GRIN2B: variants seen among roughly 807,000 people sequenced by gnomAD.
The protein encoded by GRIN2B is glutamate receptor ionotropic, NMDA 2B.
A neutral mutation model predicts 114.5 loss-of-function variants in GRIN2B; 5 were observed. The ratio of observed to expected loss-of-function variants is 0.04; its 90% CI spans 0.02 to 0.09. The LOEUF is 0.09. Ranked by LOEUF, GRIN2B falls within the 10% of genes least tolerant of loss-of-function variation. The pLI, the probability that GRIN2B is intolerant of heterozygous loss-of-function variation, is 1.00. For missense variants in GRIN2B, 1,108 were observed against 1,943.5 expected, an observed-to-expected ratio of 0.57 and a Z score of 8.08; for synonymous variants, 787 against 745.1, an observed-to-expected ratio of 1.06 and a Z score of -0.92.
Position 13,615,372 on chromosome 12 carries a change from T to C in GRIN2B, c.1501-105A>G. On this transcript the variant is annotated intron_variant, in intron 7 of 13. Coordinates refer to ENST00000609686, the MANE Select transcript of GRIN2B (RefSeq NM_000834.5). The surrounding 1 kb of genome is among the most constrained non-coding windows in gnomAD (Gnocchi z 5.8). ...GGTTTTCTTTGTATAGTGGGAACAA[T>C]ACATCTTATTTGCCATTTTATATTT... 7.1e-7 allele frequency: 1 copy of C among 1,414,446 alleles called. No individual in the cohort carries two copies. The highest frequency in any genetic ancestry group is 1.4e-5 in the African/African-American group (1 of 71,090). The allele number at this position is 1,414,446 out of a possible 1,614,324, so 87.6% of individuals were successfully genotyped here. A position where few individuals can be genotyped will look rare whatever the true frequency, so the allele number is the denominator to read the frequency against.
At chr12:13,892,143 A>G (rs1305739149) in intron 2 of GRIN2B, among the ~76,000 whole-genome samples, 3 of 152,210 alleles carry the variant, frequency 2.0e-5, no homozygotes, top group Non-Finnish European at 4.4e-5. Flanking sequence ...ATGAATAAAT[A>G]ACTGTTGAAG....
At chr12:13,676,183 C>T (rs2136541397) in intron 4 of GRIN2B, among the ~76,000 whole-genome samples, 1 of 152,106 alleles carries the variant, frequency 6.6e-6, no homozygotes, top group South Asian at 2.1e-4. Context: ...ACACTGGGGC[C>T]TGTAGGCAGG....
intron 3 of GRIN2B, among the ~76,000 whole-genome samples, chr12:13,851,633 A>T (rs1350012534): frequency 6.6e-6 from 1 of 152,226 alleles, no homozygotes; most frequent in Non-Finnish European, 1.5e-5. Context: ...TGTTGATTTC[A>T]AAGTCAACCA....
intron 13 of GRIN2B, among the ~76,000 whole-genome samples, chr12:13,565,007 C>T (rs963182234): frequency 6.6e-6 from 1 of 152,162 alleles, no homozygotes; most frequent in Admixed American, 6.5e-5. Flanking sequence ...ATGATATCAA[C>T]CCATAGCAAA....
At chr12:13,734,062 A>T (rs918656562) in intron 4 of GRIN2B, among the ~76,000 whole-genome samples, 1 of 152,206 alleles carries the variant, frequency 6.6e-6, no homozygotes, top group African/African-American at 2.4e-5. Flanking sequence ...TTCCTTTCGG[A>T]AAGTAATTTG....
At chr12:13,980,580 G>A (rs1043321626) in intron 1 of GRIN2B, among the ~76,000 whole-genome samples, 1 of 152,106 alleles carries the variant, frequency 6.6e-6, no homozygotes, top group African/African-American at 2.4e-5. Context: ...ACGGATGAGA[G>A]GTGGGAAAGC....
chr12:13,797,014 A>G (rs890955715), intron 3 of GRIN2B, among the ~76,000 whole-genome samples: 1 of 152,138 alleles, frequency 6.6e-6, no homozygotes, highest in African/African-American at 2.4e-5. Context: ...TGTATTTCTC[A>G]CTCAAAGAAA....
intron 9 of GRIN2B, 73 bp from the exon 10 acceptor site, chr12:13,608,905 G>A: frequency 9.5e-7 from 1 of 1,057,846 alleles, no homozygotes; most frequent in Non-Finnish European, 1.5e-6. Flanking sequence ...CAAATACACA[G>A]GGTGAGTCCC....
At chr12:13,804,045 G>A (rs1359389739) in intron 3 of GRIN2B, among the ~76,000 whole-genome samples, 1 of 152,024 alleles carries the variant, frequency 6.6e-6, no homozygotes, top group Non-Finnish European at 1.5e-5. Context: ...CTCTGAACTT[G>A]CCAAATTATA....
At chr12:13,829,678 G>A (rs934104848) in intron 3 of GRIN2B, among the ~76,000 whole-genome samples, 1 of 152,202 alleles carries the variant, frequency 6.6e-6, no homozygotes, top group South Asian at 2.1e-4. Context: ...ATTTCTAAGA[G>A]GGTGATGTGG....
chr12:13,892,862 G>T (rs979908914), intron 2 of GRIN2B, among the ~76,000 whole-genome samples: 14 of 152,154 alleles, frequency 9.2e-5, no homozygotes, highest in Non-Finnish European at 1.9e-4. Flanking sequence ...AAACTGTAGA[G>T]AATGAATCCT....
intron 2 of GRIN2B, among the ~76,000 whole-genome samples, chr12:13,891,894 C>T (rs1866268582): frequency 6.6e-6 from 1 of 152,184 alleles, no homozygotes; most frequent in Non-Finnish European, 1.5e-5. Flanking sequence ...ATGTAAAAGG[C>T]ACTCTTCTAA....
intron 4 of GRIN2B, among the ~76,000 whole-genome samples, chr12:13,724,248 C>T (rs1232562221): frequency 6.6e-6 from 1 of 152,106 alleles, no homozygotes; most frequent in Non-Finnish European, 1.5e-5. Flanking sequence ...CTGGAAAATA[C>T]AGTCCCTAGA....
chr12:13,670,861 T>C (rs1450126198), intron 5 of GRIN2B, among the ~76,000 whole-genome samples: 2 of 152,198 alleles, frequency 1.3e-5, no homozygotes, highest in African/African-American at 4.8e-5. Flanking sequence ...AGAGATCTCT[T>C]TGCTATTCTA....
At chr12:13,897,500 TA>T (rs1866372892) in intron 2 of GRIN2B, among the ~76,000 whole-genome samples, 1 of 152,126 alleles carries the variant, frequency 6.6e-6, no homozygotes, top group Admixed American at 6.6e-5. Flanking sequence ...CACCTTTACC[TA>T]AAGAAAGGTC....
intron 4 of GRIN2B, among the ~76,000 whole-genome samples, chr12:13,681,333 A>C (rs1950129918): frequency 6.6e-6 from 1 of 152,216 alleles, no homozygotes; most frequent in African/African-American, 2.4e-5. Flanking sequence ...AAGGCTGAGA[A>C]TAGGACCCAG....
rs1421575910 is a variant in GRIN2B at position 13,546,721 on chromosome 12, T to A, written c.*16062A>T. ...GAAATTTAGAAACACTTGCCTCCTA[T>A]GAACCCAGGGCCAAGGGGAGCTGAG... On this transcript the variant is annotated 3_prime_UTR_variant, in exon 14 of 14. Transcript: ENST00000609686. 6.6e-6 allele frequency: 1 copy of A among 152,200 alleles called. No individual in the cohort carries two copies. Among genetic ancestry groups the A allele is most frequent in the African/African-American group, 2.4e-5 (1 of 41,448 alleles). 9.4% of individuals were successfully genotyped at this position (152,200 alleles called of 1,614,324 possible). A position where few individuals can be genotyped will look rare whatever the true frequency, so the allele number is the denominator to read the frequency against.
At chr12:13,798,790 A>G (rs1041199520) in intron 3 of GRIN2B, among the ~76,000 whole-genome samples, 1 of 152,248 alleles carries the variant, frequency 6.6e-6, no homozygotes, top group Admixed American at 6.5e-5. Context: ...TCAACAGGAA[A>G]AAAACCAAAC....
chr12:13,864,100 G>A (rs942258929), intron 3 of GRIN2B, among the ~76,000 whole-genome samples: 5 of 152,132 alleles, frequency 3.3e-5, no homozygotes, highest in African/African-American at 1.2e-4. Flanking sequence ...CTTAGCATGG[G>A]CTATTTGTGC....
Sources: gnomAD v4.1 joint callset for allele counts (sites outside exome capture counted in the v4.1 genomes callset) on GRCh38, gnomAD v4.1.1 for gene constraint, Gnocchi (gnomAD v3.1) non-coding constraint, MANE v1.5 for transcripts, NCBI Gene and HGNC (gene_info 2026-07-23, HGNC 2026-07-21) for gene names.